Variants in MS4A8 observed in about 807,000 individuals in gnomAD.
The protein encoded by MS4A8 is membrane spanning 4-domains A8.
Under a neutral mutation model 23.7 loss-of-function variants are expected in MS4A8, and 27 were observed. The observed-to-expected ratio is 1.14, with a 90% CI of 0.84 to 1.57. The LOEUF (loss-of-function observed/expected upper bound fraction) is 1.57. MS4A8 is among the 40% of genes most tolerant of loss of function. The pLI, the probability that MS4A8 is intolerant of heterozygous loss-of-function variation, is 0.00. For synonymous variants in MS4A8, 138 were observed against 126.3 expected, an observed-to-expected ratio of 1.09 and a Z score of -0.62; for missense variants, 301 against 311.4, an observed-to-expected ratio of 0.97 and a Z score of 0.25.
At position 60,707,064 on chromosome 11, in the gene MS4A8, G is replaced by C. The variant is rs745362807; in HGVS notation, c.402+17G>C. On this transcript the variant is annotated intron_variant, in intron 4 of 6. Coordinates refer to ENST00000300226, the MANE Select transcript of MS4A8 (RefSeq NM_031457.2). ...TATTGCCTGGTAAGTTACATTCTGAGACCAGCTCTTCCAACTGGAGACCTA... is the reference window on the plus strand; with the variant it reads ...TATTGCCTGGTAAGTTACATTCTGACACCAGCTCTTCCAACTGGAGACCTA... The C allele has an allele frequency of 1.2e-6, 2 of 1,609,686 alleles. No homozygotes were observed. Among genetic ancestry groups the C allele is most frequent in the Non-Finnish European group, 1.7e-6 (2 of 1,175,958 alleles).
At chr11:60,703,353 C>T in intron 2 of MS4A8, 25 bp from the exon 3 acceptor site, 1 of 1,517,722 alleles carries the variant, frequency 6.6e-7, no homozygotes, top group Non-Finnish European at 8.8e-7. Flanking sequence ...AGAAACAAGA[C>T]TTCAGCTTGT....
chr11:60,704,116 C>CTTTTTT (rs1245958477), intron 3 of MS4A8, among the ~76,000 whole-genome samples: 8 of 126,846 alleles, frequency 6.3e-5, no homozygotes, highest in East Asian at 2.2e-4. Context: ...TTTCTTTTTA[C>CTTTTTT]TTTTTTTTTT....
rs775637715 is a variant in MS4A8 at position 60,708,770 on chromosome 11, G to T, written c.523G>T (p.Ala175Ser). Residue 175 changes from alanine to serine, a missense_variant, in exon 5 of 7, where the codon GCC becomes TCC. Coordinates refer to ENST00000300226, the MANE Select transcript of MS4A8 (RefSeq NM_031457.2). ...PYAYPDYYPY[A>S]WGVNPGMAIS... ...TGCCTACCCCGACTATTATCCTTAC[G>T]CCTGGGGTGTGGTGAGTATCCCTCT... 1 of 1,613,844 alleles carries T rather than the reference G, an allele frequency of 6.2e-7. No individual in the cohort carries two copies. Among genetic ancestry groups the T allele is most frequent in the Admixed American group, 1.7e-5 (1 of 60,010 alleles).
chr11:60,707,812 C>CTTTTTTTTTTTTTTTTTTTTTT (rs5792195), intron 4 of MS4A8, among the ~76,000 whole-genome samples: 2 of 55,144 alleles, frequency 3.6e-5, no homozygotes, highest in African/African-American at 6.3e-5. Context: ...TTTTCTTTTT[C>CTTTTTTTTTTTTTTTTTTTTTT]TTTTTTTTTT....
rs145052992 is a variant in MS4A8 at position 60,700,960 on chromosome 11, C to A, written c.100C>A (p.Pro34Thr). 6 of 1,614,090 alleles carry A rather than the reference C, an allele frequency of 3.7e-6. No individual in the cohort carries two copies. The African/African-American group carries it at 8.0e-5, about 22-fold the overall frequency. The part of the protein sequence containing the change: ...PVTPGIMSHV[P>T]LYPNSQPQVH... ...GACCCCAGGAATTATGTCTCACGTGCCCCTGTATCCAAACAGCCAGCCGCA... is the reference window on the plus strand; with the variant it reads ...GACCCCAGGAATTATGTCTCACGTGACCCTGTATCCAAACAGCCAGCCGCA... Residue 34 changes from proline (P) to threonine (T), a missense_variant, in exon 2 of 7, where the codon CCC becomes ACC. Coordinates refer to ENST00000300226, the MANE Select transcript of MS4A8 (RefSeq NM_031457.2).
intron 5 of MS4A8, among the ~76,000 whole-genome samples, chr11:60,710,629 G>C (rs573686298): frequency 1.3e-5 from 2 of 152,156 alleles, no homozygotes; most frequent in African/African-American, 4.8e-5. Flanking sequence ...CCTACTCTGG[G>C]CTCACTGCAG....
At chr11:60,706,862 C>A in intron 3 of MS4A8, 126 bp from the exon 4 acceptor site, 1 of 775,590 alleles carries the variant, frequency 1.3e-6, no homozygotes. Context: ...CTCATTTTTT[C>A]TGTTGCCCAT....
intron 2 of MS4A8, 73 bp downstream of exon 2, chr11:60,701,152 G>A (rs1663831779): frequency 2.8e-6 from 4 of 1,406,476 alleles, no homozygotes; most frequent in Non-Finnish European, 4.0e-6. Context: ...GAAGGCCTGG[G>A]AAATACACAA....
intron 2 of MS4A8, 191 bp from the exon 3 acceptor site, chr11:60,703,186 AC>A (rs1565051078): frequency 3.3e-5 from 18 of 552,426 alleles, no homozygotes; most frequent in Non-Finnish European, 5.1e-5. Flanking sequence ...ATGGGAGAAT[AC>A]ACCAAAATGT....
At chr11:60,704,819 C>G (rs76860074) in intron 3 of MS4A8, among the ~76,000 whole-genome samples, 2,102 of 125,170 alleles carry the variant, frequency 0.017, 116 homozygotes, top group Admixed American at 0.13. Context: ...TGCCCACACA[C>G]ACACACACAC....
At chr11:60,700,740 A>G (rs1163377887) in intron 1 of MS4A8, 120 bp from the exon 2 acceptor site, 1 of 924,756 alleles carries the variant, frequency 1.1e-6, no homozygotes, top group African/African-American at 1.6e-5. Context: ...TATTTGTAAC[A>G]TGGGATTCAT....
chr11:60,708,949 C>A, intron 5 of MS4A8, 168 bp downstream of exon 5: 1 of 693,946 alleles, frequency 1.4e-6, no homozygotes, highest in Non-Finnish European at 2.4e-6. Flanking sequence ...GCTTTAAGCA[C>A]ATGACCTTTC....
intron 5 of MS4A8, among the ~76,000 whole-genome samples, chr11:60,713,200 G>T (rs1227863068): frequency 1.3e-5 from 2 of 152,022 alleles, no homozygotes; most frequent in Admixed American, 6.5e-5. Context: ...GGGGTGGGTT[G>T]CCCCTTCACA....
At chr11:60,705,552 C>T (rs2088248730) in intron 3 of MS4A8, among the ~76,000 whole-genome samples, 1 of 152,262 alleles carries the variant, frequency 6.6e-6, no homozygotes. Context: ...TCTCCTCTGG[C>T]ACCTCAGAAG....
At position 60,715,404 on chromosome 11, in the gene MS4A8, C is replaced by T; in HGVS notation, c.743C>T (p.Ala248Val). ...CCAAGTTATTCCAGTGAGATCCAAG[C>T]AAATAAGTAAGGCTACAGATTCTGG... ...SPPSYSSEIQANK is the reference protein window; with the variant it reads ...SPPSYSSEIQVNK The change falls in exon 7 of 7, where the codon GCA becomes GTA. Residue 248 changes from alanine to valine, a missense_variant. Ala to Val is a moderately conservative substitution (Grantham distance 64). Transcript: ENST00000300226. 6.2e-7 allele frequency: 1 copy of T among 1,612,990 alleles called. No homozygotes were observed. Among genetic ancestry groups the T allele is most frequent in the Non-Finnish European group, 8.5e-7 (1 of 1,179,092 alleles).
chr11:60,704,341 A>G (rs1165903280), intron 3 of MS4A8, among the ~76,000 whole-genome samples: 1 of 151,836 alleles, frequency 6.6e-6, no homozygotes, highest in African/African-American at 2.4e-5. Flanking sequence ...GGCTGGTCTC[A>G]AACTCCTGAC....
Position 60,701,029 on chromosome 11 carries a change from G to A in MS4A8, c.169G>A (p.Val57Met), listed in dbSNP as rs148191741. 2.6e-4 allele frequency: 426 copies of A among 1,614,090 alleles called. No individual in the cohort carries two copies. The highest frequency in any genetic ancestry group is 3.5e-4 in the Non-Finnish European group (416 of 1,180,038). ...GAACCCACCTAGTTTGGTGTCGAATGTGAATGGGCAGCCTGTGCAGAAAGC... is the reference window on the plus strand; with the variant it reads ...GAACCCACCTAGTTTGGTGTCGAATATGAATGGGCAGCCTGTGCAGAAAGC... ...PGNPPSLVSN[V>M]NGQPVQKALK... Residue 57 changes from valine to methionine, a missense_variant, in exon 2 of 7, where the codon GTG becomes ATG. By Grantham distance (21) the Val-to-Met change is conservative (BLOSUM62 1). Transcript: ENST00000300226.
In MS4A8 at chr11:60,715,061, G is replaced by C; in HGVS notation, c.575G>C (p.Cys192Ser). Residue 192 changes from cysteine to serine, a missense_variant, in exon 6 of 7, where the codon TGC becomes TCC. Transcript: ENST00000300226. ...ATTTCTGGCGTGCTGCTGGTCTTCT[G>C]CCTCCTGGAGTTTGGCATCGCATGC... Reference protein sequence around the residue: ...MAISGVLLVFCLLEFGIACAS... With the variant: ...MAISGVLLVFSLLEFGIACAS... 6.2e-7 allele frequency: 1 copy of C among 1,614,106 alleles called. No individual in the cohort carries two copies. Among genetic ancestry groups the C allele is most frequent in the Non-Finnish European group, 8.5e-7 (1 of 1,180,018 alleles).
intron 3 of MS4A8, among the ~76,000 whole-genome samples, chr11:60,704,598 G>T (rs1382930764): frequency 6.6e-6 from 1 of 152,158 alleles, no homozygotes; most frequent in African/African-American, 2.4e-5. Context: ...GAGTGCTTGA[G>T]CACTGGGGAC....
Sources: gnomAD v4.1 joint callset for allele counts (sites outside exome capture counted in the v4.1 genomes callset) on GRCh38, gnomAD v4.1.1 for gene constraint, MANE v1.5 for transcripts, NCBI Gene and HGNC (gene_info 2026-07-23, HGNC 2026-07-21) for gene names.